The following DGKB variants were observed in gnomAD, a reference collection of about 807,000 sequenced individuals.
DGKB encodes 90 kDa diacylglycerol kinase.
In DGKB, 67 loss-of-function variants were observed where a neutral mutation model predicts 114.3. The ratio of observed to expected loss-of-function variants is 0.59; its 90% confidence interval spans 0.48 to 0.72. DGKB has a LOEUF of 0.72. DGKB is among the 30% of genes least tolerant of loss of function. The probability of loss-of-function intolerance (pLI) is 0.00; values close to 1 mark genes in which losing one functional copy is unlikely to be tolerated. For missense variants in DGKB, 907 were observed against 975.2 expected, an observed-to-expected ratio of 0.93 and a Z score of 0.93; for synonymous variants, 398 against 323.1, an observed-to-expected ratio of 1.23 and a Z score of -2.49.
rs556811668 is a variant in DGKB, at chr7:14,788,882, T to TA, written c.71-31152dup. Among the ~76,000 whole-genome samples the TA allele has an allele frequency of 4.6e-5, 7 of 152,098 alleles. No homozygotes were observed. The South Asian group carries it at 1.5e-3, about 32-fold the overall frequency. On this transcript the variant is annotated intron_variant, in intron 2 of 25. Transcript: ENST00000402815. Reference sequence around the variant, plus strand: ...ATGCCTAAATAATAAAACCTGCTTTTAAAAAAACCGTATGCCCAGGAAAAT... The same window carrying TA: ...ATGCCTAAATAATAAAACCTGCTTTTAAAAAAAACCGTATGCCCAGGAAAAT...
intron 23 of DGKB, among the ~76,000 whole-genome samples, chr7:14,198,681 T>C (rs373787384): frequency 1.3e-5 from 2 of 152,142 alleles, no homozygotes; most frequent in East Asian, 3.9e-4. Flanking sequence ...ACCATGATGG[T>C]ATTAAAATAG....
chr7:14,853,238 A>G (rs1562722378), intron 1 of DGKB, among the ~76,000 whole-genome samples: 7 of 152,170 alleles, frequency 4.6e-5, no homozygotes, highest in Non-Finnish European at 1.5e-5. Context: ...AAAAACAGAG[A>G]AATGGACTCA....
chr7:14,968,379 C>A lies in DGKB; in HGVS notation c.-188+6317G>T, dbSNP rs192032696. 1.6e-4 allele frequency among the ~76,000 whole-genome samples: 24 copies of A among 152,148 alleles called. No individual in the cohort carries two copies. In the South Asian group the frequency reaches 1.7e-3, roughly 11 times the overall value. ...TAATATTGTATTCACAGTAAAAAAT[C>A]TATGGTAATAAATTACATATTTGTG... On this transcript the variant is annotated intron_variant, in intron 1 of 4. Coordinates refer to the DGKB transcript ENST00000437998.
intron 21 of DGKB, among the ~76,000 whole-genome samples, chr7:14,352,937 A>C (rs111706818): frequency 2.9e-5 from 4 of 139,382 alleles, no homozygotes; most frequent in Non-Finnish European, 6.4e-5. Context: ...AACAAACAAA[A>C]AAAACCAAAC....
chr7:14,369,203 G>A (rs1467683909), intron 21 of DGKB, among the ~76,000 whole-genome samples: 4 of 152,058 alleles, frequency 2.6e-5, no homozygotes, highest in Non-Finnish European at 1.5e-5. Flanking sequence ...AGTTTTCTGA[G>A]AATGATGATT....
chr7:14,732,322 C>T (rs1831042567), intron 5 of DGKB, among the ~76,000 whole-genome samples: 1 of 151,876 alleles, frequency 6.6e-6, no homozygotes, highest in South Asian at 2.1e-4. Flanking sequence ...TGAACTATAA[C>T]AGCATAAACC....
chr7:14,341,417 G>C (rs1811583751), intron 22 of DGKB, among the ~76,000 whole-genome samples: 1 of 151,812 alleles, frequency 6.6e-6, no homozygotes. Flanking sequence ...ACAAGTTATA[G>C]TACTGTGTCA....
chr7:14,325,085 G>A (rs1808484646), intron 23 of DGKB, among the ~76,000 whole-genome samples: 1 of 152,096 alleles, frequency 6.6e-6, no homozygotes. Flanking sequence ...ACCCCAGCAG[G>A]CAGCACCTCA....
intron 20 of DGKB, among the ~76,000 whole-genome samples, chr7:14,513,793 A>C (rs771968231): frequency 6.6e-6 from 1 of 152,054 alleles, no homozygotes; most frequent in Non-Finnish European, 1.5e-5. Context: ...AAAGTTAAAA[A>C]GTGTAGAATT....
intron 22 of DGKB, among the ~76,000 whole-genome samples, chr7:14,342,311 A>G (rs1811734843): frequency 6.6e-6 from 1 of 151,814 alleles, no homozygotes; most frequent in African/African-American, 2.4e-5. Context: ...AGGCTTTCTT[A>G]TTCTCTCATT....
intron 1 of DGKB, among the ~76,000 whole-genome samples, chr7:14,892,883 T>TGTGTGC (rs962774706): frequency 6.6e-5 from 10 of 150,690 alleles, no homozygotes; most frequent in Non-Finnish European, 1.2e-4. Flanking sequence ...TGTGTGTGTG[T>TGTGTGC]GTGTATACAC....
intron 2 of DGKB, among the ~76,000 whole-genome samples, chr7:14,811,923 T>C (rs919031665): frequency 5.3e-5 from 8 of 152,102 alleles, no homozygotes; most frequent in African/African-American, 1.9e-4. Flanking sequence ...CTGAAACCTC[T>C]TTACTCATCA....
At chr7:14,580,280 G>C (rs1278904564) in intron 19 of DGKB, among the ~76,000 whole-genome samples, 1 of 152,038 alleles carries the variant, frequency 6.6e-6, no homozygotes, top group Non-Finnish European at 1.5e-5. Context: ...TCCTCAGTGA[G>C]GTCTTTCCCT....
intron 21 of DGKB, among the ~76,000 whole-genome samples, chr7:14,407,155 G>A (rs576065288): frequency 6.6e-6 from 1 of 152,192 alleles, no homozygotes; most frequent in Non-Finnish European, 1.5e-5. Context: ...GTGACAGGGA[G>A]CAGCTGAAGA....
In DGKB at chr7:14,494,728, G is replaced by A. The variant is rs188446344; in HGVS notation, c.1771-16503C>T. 4.5e-4 allele frequency among the ~76,000 whole-genome samples: 69 copies of A among 151,850 alleles called. 2 individuals are homozygous for A. The highest frequency in any genetic ancestry group is 4.4e-3 in the East Asian group (23 of 5,170). On this transcript the variant is annotated intron_variant, in intron 20 of 25. Transcript: ENST00000402815. ...TTGAAAGCGCCTATGACTTTTTAAA[G>A]GTATTCAAAATTACACATTTGTAAA...
intron 17 of DGKB, among the ~76,000 whole-genome samples, chr7:14,596,239 T>C (rs1372834985): frequency 1.3e-5 from 2 of 152,174 alleles, no homozygotes; most frequent in Non-Finnish European, 2.9e-5. Context: ...AAATTGTTTA[T>C]ACTGCATTGT....
chr7:14,627,478 G>A (rs1808793663), intron 14 of DGKB, among the ~76,000 whole-genome samples: 2 of 152,076 alleles, frequency 1.3e-5, no homozygotes, highest in Admixed American at 6.5e-5. Flanking sequence ...ATTCTTATTG[G>A]AGGGAATGAA....
At position 14,630,262 on chromosome 7, in the gene DGKB, G is replaced by A. The variant is rs1419297248; in HGVS notation, c.1141C>T (p.Pro381Ser). The A allele has an allele frequency of 1.3e-6, 2 of 1,556,112 alleles. No homozygotes were observed. Among genetic ancestry groups the A allele is most frequent in the Admixed American group, 2.0e-5 (1 of 51,130 alleles). ...TCAGGAACTGAAACTCCTGAAGTGG[G>A]CAGAGTCTGCTGAAAAAGAGAAGTT... ...TTICPVVLTL[P>S]TSGVSVPEER... The change falls in exon 14 of 26, where the codon CCC (proline) becomes TCC (serine). Residue 381 changes from proline to serine, a missense_variant. By Grantham distance (74) the Pro-to-Ser change is moderately conservative (BLOSUM62 -1). Transcript: ENST00000402815.
chr7:14,595,353 G>C (rs78175105), intron 17 of DGKB, among the ~76,000 whole-genome samples: 1 of 151,796 alleles, frequency 6.6e-6, no homozygotes, highest in Non-Finnish European at 1.5e-5. Context: ...GTGTAAATTC[G>C]GGAAAAAGGG....
Sources: allele counts gnomAD v4.1 joint callset (sites outside exome capture counted in the v4.1 genomes callset), GRCh38; gene constraint gnomAD v4.1.1; transcripts MANE v1.5; gene names NCBI Gene and HGNC (gene_info 2026-07-23, HGNC 2026-07-21).